The following CHST11 variants were observed in gnomAD, a reference collection of about 807,000 sequenced individuals.
CHST11 encodes carbohydrate sulfotransferase 11, also known as C4S-1.
CHST11 carries 9 observed loss-of-function variants against 30.4 expected under a neutral mutation model. That is an observed-to-expected ratio of 0.30 (90% CI 0.18 to 0.52). CHST11 has a LOEUF of 0.52. Among genes scored for constraint, CHST11 ranks in the 20% least tolerant of loss-of-function variants. The pLI, the probability that CHST11 is intolerant of heterozygous loss-of-function variation, is 0.97. For missense variants in CHST11, 348 were observed against 460.6 expected (o/e 0.76, Z 2.24); for synonymous variants, 152 against 187.8 (o/e 0.81, Z 1.56).
intron 2 of CHST11, among the ~76,000 whole-genome samples, chr12:104,677,719 C>T (rs1334842975): frequency 5.3e-5 from 8 of 152,224 alleles, no homozygotes; most frequent in African/African-American, 1.9e-4. Context: ...TAGCTGCGCA[C>T]AGCTTCCCCT....
In CHST11 at chr12:104,700,136, C is replaced by T. The variant is rs186280825; in HGVS notation, c.205-56813C>T. Among the ~76,000 whole-genome samples, 12 of 152,336 alleles carry T rather than the reference C, an allele frequency of 7.9e-5. No homozygotes were observed. In the East Asian group the frequency reaches 1.2e-3, roughly 15 times the overall value. The stretch of plus-strand genomic sequence containing the variant: ...CTGGCTGTATTCAAATACTACCCAT[C>T]TGGTTTTTTTTAAATCAGATTAGAA... On this transcript the variant is annotated intron_variant, in intron 2 of 2. Coordinates refer to ENST00000303694, the MANE Select transcript of CHST11 (RefSeq NM_018413.6).
intron 2 of CHST11, among the ~76,000 whole-genome samples, chr12:104,654,666 T>G (rs1489349261): frequency 6.6e-6 from 1 of 152,040 alleles, no homozygotes; most frequent in African/African-American, 2.4e-5. Context: ...CTCCAGAGAC[T>G]TCGGCCTGTC....
intron 2 of CHST11, among the ~76,000 whole-genome samples, chr12:104,624,898 T>C (rs2039197111): frequency 6.6e-6 from 1 of 152,234 alleles, no homozygotes; most frequent in Admixed American, 6.5e-5. Context: ...TCACATGGTC[T>C]TTCCACGGTG....
chr12:104,606,082 G>A (rs1270968307), intron 2 of CHST11, among the ~76,000 whole-genome samples: 1 of 146,276 alleles, frequency 6.8e-6, no homozygotes, highest in Non-Finnish European at 1.5e-5. Context: ...TTTGCATAGG[G>A]CACAGCAGAT....
chr12:104,598,363 TAGG>T (rs2038926186), intron 1 of CHST11, among the ~76,000 whole-genome samples: 1 of 152,192 alleles, frequency 6.6e-6, no homozygotes, highest in African/African-American at 2.4e-5. Flanking sequence ...GCATCAGCAG[TAGG>T]AGATGTTCTA....
intron 1 of CHST11, among the ~76,000 whole-genome samples, chr12:104,571,452 G>T (rs1255369002): frequency 2.6e-5 from 4 of 152,162 alleles, no homozygotes; most frequent in Non-Finnish European, 5.9e-5. Flanking sequence ...TCTGAGTCCT[G>T]CACCCGGCGA....
At chr12:104,499,782 C>T (rs1242803980) in intron 1 of CHST11, among the ~76,000 whole-genome samples, 2 of 152,182 alleles carry the variant, frequency 1.3e-5, no homozygotes, top group African/African-American at 4.8e-5. Flanking sequence ...GTGCTACCTT[C>T]CCTCATTCTG....
At chr12:104,707,588 A>C (rs1292615785) in intron 2 of CHST11, among the ~76,000 whole-genome samples, 4 of 152,218 alleles carry the variant, frequency 2.6e-5, no homozygotes, top group Non-Finnish European at 4.4e-5. Context: ...CTGTAAACCT[A>C]GTCGCATAAA....
intron 2 of CHST11, among the ~76,000 whole-genome samples, chr12:104,697,737 G>A (rs1352236637): frequency 1.3e-5 from 2 of 152,124 alleles, no homozygotes; most frequent in Non-Finnish European, 2.9e-5. Flanking sequence ...GCTCAGAAGT[G>A]GCATGACCTG....
At chr12:104,501,233 C>T (rs2037850966) in intron 1 of CHST11, among the ~76,000 whole-genome samples, 1 of 152,154 alleles carries the variant, frequency 6.6e-6, no homozygotes, top group Admixed American at 6.5e-5. Context: ...AGCTGGGCCA[C>T]AAGCCCAGGT....
In CHST11 at chr12:104,502,042, T is replaced by TG. The variant is rs534124631; in HGVS notation, c.118+44513_118+44514insG. On this transcript the variant is annotated intron_variant, in intron 1 of 2. Transcript: ENST00000303694. ...ATTTCTTCTTTTTTACTTTTTTTTT[T>TG]TTCTAGGACAGTGTCTCACTTTGTC... 3.7e-3 allele frequency among the ~76,000 whole-genome samples: 566 copies of TG among 152,114 alleles called. 1 individual carries two copies. Among genetic ancestry groups the TG allele is most frequent in the Non-Finnish European group, 6.7e-3 (452 of 67,926 alleles).
intron 2 of CHST11, among the ~76,000 whole-genome samples, chr12:104,728,461 A>C (rs1238464754): frequency 6.6e-6 from 1 of 152,264 alleles, no homozygotes; most frequent in East Asian, 1.9e-4. Context: ...AAAAAAACAA[A>C]AACTGAGTTG....
At chr12:104,634,092 G>T (rs933135901) in intron 2 of CHST11, among the ~76,000 whole-genome samples, 1 of 152,146 alleles carries the variant, frequency 6.6e-6, no homozygotes, top group Non-Finnish European at 1.5e-5. Context: ...CACAAAGCTC[G>T]GTCCTTATAG....
At chr12:104,647,319 G>GAGCTA (rs1270072724) in intron 2 of CHST11, among the ~76,000 whole-genome samples, 6 of 152,120 alleles carry the variant, frequency 3.9e-5, no homozygotes, top group Admixed American at 3.3e-4. Context: ...TTGAAAACCA[G>GAGCTA]AGCTAAACAC....
chr12:104,522,287 C>T (rs549107105), intron 1 of CHST11, among the ~76,000 whole-genome samples: 8 of 152,230 alleles, frequency 5.3e-5, no homozygotes, highest in African/African-American at 1.4e-4. Context: ...CTCACTGAGC[C>T]GTGTTATTTT....
At chr12:104,489,339 A>G (rs1046083614) in intron 1 of CHST11, among the ~76,000 whole-genome samples, 1 of 151,644 alleles carries the variant, frequency 6.6e-6, no homozygotes, top group Admixed American at 6.6e-5. Flanking sequence ...GCCTGGCCCT[A>G]ATTTCTTCTT....
intron 2 of CHST11, among the ~76,000 whole-genome samples, chr12:104,607,179 T>C (rs553361453): frequency 2.0e-5 from 3 of 152,326 alleles, no homozygotes; most frequent in Non-Finnish European, 4.4e-5. Flanking sequence ...GCTGGAGCTG[T>C]CAGAGAAGGA....
At chr12:104,556,618 C>T (rs1418078178) in intron 1 of CHST11, among the ~76,000 whole-genome samples, 1 of 152,248 alleles carries the variant, frequency 6.6e-6, no homozygotes, top group East Asian at 1.9e-4. Flanking sequence ...CTATCCTCAC[C>T]TGACATTCTG....
intron 1 of CHST11, among the ~76,000 whole-genome samples, chr12:104,505,508 C>T (rs2037896844): frequency 6.6e-6 from 1 of 152,180 alleles, no homozygotes; most frequent in African/African-American, 2.4e-5. Flanking sequence ...TATGTTGACG[C>T]TGCCTGTCTG....
Sources: allele counts gnomAD v4.1 joint callset (sites outside exome capture counted in the v4.1 genomes callset), GRCh38; gene constraint gnomAD v4.1.1; transcripts MANE v1.5; gene names NCBI Gene and HGNC (gene_info 2026-07-23, HGNC 2026-07-21).